Variants in ZNF846 observed in about 807,000 individuals in gnomAD.
ZNF846 encodes zinc finger protein 846.
In ZNF846, 15 loss-of-function variants were observed where a neutral mutation model predicts 16.0. That is an observed-to-expected ratio of 0.94 (90% CI 0.63 to 1.45). ZNF846 has a LOEUF of 1.45. ZNF846 is among the 40% of genes most tolerant of loss of function. ZNF846 has a pLI of 0.00. For missense variants in ZNF846, 714 were observed against 622.3 expected, an observed-to-expected ratio of 1.15 and a Z score of -1.57; for synonymous variants, 229 against 212.0, an observed-to-expected ratio of 1.08 and a Z score of -0.70.
At chr19:9,779,958 C>T (rs925869514) in intron 1 of ZNF846, among the ~76,000 whole-genome samples, 5 of 151,642 alleles carry the variant, frequency 3.3e-5, no homozygotes, top group African/African-American at 1.2e-4. Context: ...CTCACTGCAG[C>T]CTTGACCTCC....
chr19:9,763,159 A>G (rs2045257730), intron 3 of ZNF846, 123 bp downstream of exon 3: 5 of 810,214 alleles, frequency 6.2e-6, no homozygotes, highest in South Asian at 3.2e-5. Flanking sequence ...AAAAAAAAAA[A>G]GGAATGTCCA....
At chr19:9,780,839 T>G (rs950673920) in intron 1 of ZNF846, among the ~76,000 whole-genome samples, 19 of 152,200 alleles carry the variant, frequency 1.2e-4, no homozygotes, top group African/African-American at 4.6e-4. Context: ...GAATTCACCA[T>G]GGCCCTTATG....
At chr19:9,774,999 C>G (rs563802169) in intron 1 of ZNF846, 2 of 1,571,944 alleles carry the variant, frequency 1.3e-6, no homozygotes, top group African/African-American at 2.7e-5. Flanking sequence ...TAAGCAGAGG[C>G]CCCATGCAGT....
intron 3 of ZNF846, among the ~76,000 whole-genome samples, chr19:9,762,853 G>C (rs1345230474): frequency 6.6e-6 from 1 of 152,126 alleles, no homozygotes; most frequent in African/African-American, 2.4e-5. Context: ...GTTCTATAAA[G>C]TAATGCCCAG....
chr19:9,763,073 G>A (rs752464213), intron 3 of ZNF846, among the ~76,000 whole-genome samples: 10 of 151,772 alleles, frequency 6.6e-5, no homozygotes, highest in Non-Finnish European at 1.2e-4. Flanking sequence ...GAATCCAGGA[G>A]GGGGGGCTTT....
At chr19:9,753,418 A>ATTTT (rs575904125), downstream of ZNF846, among the ~76,000 whole-genome samples, 2 of 135,570 alleles carry the variant, frequency 1.5e-5, no homozygotes, top group Non-Finnish European at 3.2e-5. Context: ...CACTGGGCTG[A>ATTTT]TTTTTTTTTT....
intron 1 of ZNF846, among the ~76,000 whole-genome samples, chr19:9,780,393 T>G (rs574867951): frequency 6.6e-6 from 1 of 152,194 alleles, no homozygotes; most frequent in South Asian, 2.1e-4. Flanking sequence ...CTCTGAAATG[T>G]TTTAAGACTC....
intron 2 of ZNF846, chr19:9,764,717 C>T (rs375168489): frequency 9.6e-5 from 56 of 580,852 alleles, no homozygotes; most frequent in African/African-American, 8.8e-4. Context: ...GAGAGAGCCC[C>T]GTTGCACTGT....
downstream of ZNF846, among the ~76,000 whole-genome samples, chr19:9,755,786 C>T (rs1465081747): frequency 2.8e-4 from 24 of 86,910 alleles, no homozygotes; most frequent in African/African-American, 9.1e-4. Context: ...GGCGACAGAG[C>T]GAGACTCCGT....
intron 3 of ZNF846, 36 bp from the exon 4 acceptor site, chr19:9,762,204 C>A: frequency 2.0e-6 from 3 of 1,504,960 alleles, no homozygotes; most frequent in Non-Finnish European, 2.8e-6. Flanking sequence ...GAGGCCCATG[C>A]AAGACATAAC....
At chr19:9,774,870 T>C (rs2045422481) in intron 1 of ZNF846, 11 of 1,610,104 alleles carry the variant, frequency 6.8e-6, no homozygotes, top group Middle Eastern at 4.2e-4. Context: ...CGGGCTGACC[T>C]AGCTGAAGAA....
At chr19:9,751,341 C>T (rs1003057514), downstream of ZNF846, among the ~76,000 whole-genome samples, 2 of 152,086 alleles carry the variant, frequency 1.3e-5, no homozygotes, top group African/African-American at 4.8e-5. Context: ...CTCCATACAG[C>T]CCCAAAATTT....
exon 6 of ZNF846, chr19:9,757,747 G>A (rs1054219480): frequency 6.2e-7 from 1 of 1,613,560 alleles, no homozygotes; most frequent in Admixed American, 1.7e-5. Context: ...TCTCCAGTGT[G>A]AGTTCTTAAA....
At chr19:9,764,827 G>T (rs902623978) in intron 2 of ZNF846, 109 bp downstream of exon 2, 7 of 1,326,184 alleles carry the variant, frequency 5.3e-6, no homozygotes, top group Admixed American at 1.7e-5. Flanking sequence ...GTTATTTCCT[G>T]AGCAGGACCA....
At chr19:9,768,259 G>A (rs896620167) in intron 1 of ZNF846, 30 bp downstream of exon 1, 1 of 152,228 alleles carries the variant, frequency 6.6e-6, no homozygotes. Flanking sequence ...CCCTCCCACA[G>A]CCAGATCATC....
chr19:9,778,567 G>A (rs896337901), intron 1 of ZNF846, among the ~76,000 whole-genome samples: 3 of 152,168 alleles, frequency 2.0e-5, no homozygotes, highest in African/African-American at 4.8e-5. Flanking sequence ...CACTTTGGGA[G>A]GCCAAGGCGG....
exon 6 of ZNF846, chr19:9,758,083 G>C: frequency 6.2e-7 from 1 of 1,613,600 alleles, no homozygotes. Context: ...TCTCCAGTGT[G>C]AATTCGCATG....
chr19:9,750,691 T>A (rs902373385), downstream of ZNF846, among the ~76,000 whole-genome samples: 3 of 152,164 alleles, frequency 2.0e-5, no homozygotes, highest in Non-Finnish European at 4.4e-5. Context: ...TACTTGTGGG[T>A]CTAGGAATTT....
chr19:9,763,162 A>T, intron 3 of ZNF846, 120 bp downstream of exon 3: 1 of 845,234 alleles, frequency 1.2e-6, no homozygotes, highest in Non-Finnish European at 1.7e-6. Context: ...AAAAAAAAGG[A>T]ATGTCCACTG....
Sources: allele counts gnomAD v4.1 joint callset (sites outside exome capture counted in the v4.1 genomes callset), GRCh38; gene constraint gnomAD v4.1.1; transcripts MANE v1.5; gene names NCBI Gene and HGNC (gene_info 2026-07-23, HGNC 2026-07-21).